MALRD1: variants seen among roughly 807,000 people sequenced by gnomAD.
MALRD1 encodes MAM and LDL receptor class A domain containing 1.
MALRD1 carries 247 observed loss-of-function variants against 242.1 expected under a neutral mutation model. The ratio of observed to expected loss-of-function variants is 1.02; its 90% CI spans 0.92 to 1.13. MALRD1 has a LOEUF of 1.13. Among genes scored for constraint, MALRD1 ranks in the 50% most tolerant of loss-of-function variants. The pLI, the probability that MALRD1 is intolerant of heterozygous loss-of-function variation, is 0.00. For synonymous variants in MALRD1, 995 were observed against 866.6 expected, an observed-to-expected ratio of 1.15 and a Z score of -2.60; for missense variants, 2,989 against 2,533.1, an observed-to-expected ratio of 1.18 and a Z score of -3.86.
At chr10:19,197,454 A>G (rs1564459708) in intron 14 of MALRD1, among the ~76,000 whole-genome samples, 1 of 152,272 alleles carries the variant, frequency 6.6e-6, no homozygotes, top group East Asian at 1.9e-4. Flanking sequence ...TAGCCAAAAA[A>G]ATTGAAGTGA....
At chr10:19,583,792 A>G (rs911954244) in intron 33 of MALRD1, among the ~76,000 whole-genome samples, 3 of 151,742 alleles carry the variant, frequency 2.0e-5, no homozygotes, top group Non-Finnish European at 4.4e-5. Context: ...TAGTTTCAGA[A>G]GGAATGGTAC....
intron 21 of MALRD1, among the ~76,000 whole-genome samples, chr10:19,307,265 A>T (rs1213420721): frequency 6.6e-6 from 1 of 151,470 alleles, no homozygotes; most frequent in Non-Finnish European, 1.5e-5. Context: ...TTTCATCTGT[A>T]TTCCATTAAT....
chr10:19,704,208 A>G (rs1833754987), intron 38 of MALRD1, among the ~76,000 whole-genome samples: 1 of 152,196 alleles, frequency 6.6e-6, no homozygotes, highest in Non-Finnish European at 1.5e-5. Flanking sequence ...AAGTATTCTA[A>G]GTAATTTCAT....
intron 28 of MALRD1, among the ~76,000 whole-genome samples, chr10:19,432,689 A>C (rs1834186460): frequency 6.6e-6 from 1 of 152,210 alleles, no homozygotes; most frequent in African/African-American, 2.4e-5. Context: ...TAAAAAAGCA[A>C]GTTGATTCAA....
intron 34 of MALRD1, among the ~76,000 whole-genome samples, chr10:19,595,989 C>T (rs1304874328): frequency 1.3e-5 from 2 of 152,166 alleles, no homozygotes; most frequent in African/African-American, 4.8e-5. Context: ...AATTTCATCC[C>T]TGTTACTTAC....
intron 36 of MALRD1, among the ~76,000 whole-genome samples, chr10:19,618,970 G>A (rs1294430811): frequency 6.6e-6 from 1 of 151,946 alleles, no homozygotes; most frequent in Non-Finnish European, 1.5e-5. Flanking sequence ...CCTAGCCTTG[G>A]ACCTGTGAAT....
At chr10:19,681,484 G>A (rs531638631) in intron 36 of MALRD1, among the ~76,000 whole-genome samples, 12 of 151,936 alleles carry the variant, frequency 7.9e-5, no homozygotes, top group Non-Finnish European at 1.8e-4. Context: ...TGACATTCTT[G>A]TGTTGTGTTT....
intron 18 of MALRD1, among the ~76,000 whole-genome samples, chr10:19,220,583 C>A (rs1837515465): frequency 1.3e-5 from 2 of 152,080 alleles, no homozygotes. Context: ...AATTAGCTAC[C>A]ATTACAACTA....
intron 28 of MALRD1, among the ~76,000 whole-genome samples, chr10:19,441,586 A>G (rs911933413): frequency 6.6e-6 from 1 of 152,154 alleles, no homozygotes; most frequent in Admixed American, 6.5e-5. Flanking sequence ...AGCACCATTT[A>G]TTAAATAGGG....
Position 19,445,203 on chromosome 10 carries a change from T to C in MALRD1, c.4846-5104T>C, listed in dbSNP as rs553139696. 3.9e-3 allele frequency among the ~76,000 whole-genome samples: 596 copies of C among 152,320 alleles called. 3 individuals are homozygous for C. Among genetic ancestry groups the C allele is most frequent in the Non-Finnish European group, 6.9e-3 (468 of 68,032 alleles). Reference sequence around the variant, plus strand: ...TATGCTGTTTTTTCTAGTTAGCCTTTCATCTAATCTTTTTTCAAGGTTTTT... The same window carrying C: ...TATGCTGTTTTTTCTAGTTAGCCTTCCATCTAATCTTTTTTCAAGGTTTTT... On this transcript the variant is annotated intron_variant, in intron 28 of 39. Coordinates refer to ENST00000454679, the MANE Select transcript of MALRD1 (RefSeq NM_001142308.3).
At chr10:19,608,659 G>A (rs1838746996) in intron 35 of MALRD1, among the ~76,000 whole-genome samples, 1 of 152,012 alleles carries the variant, frequency 6.6e-6, no homozygotes, top group Non-Finnish European at 1.5e-5. Context: ...ATCAAAACTA[G>A]TTAAGAAAAT....
At chr10:19,709,058 C>G (rs141084087) in intron 38 of MALRD1, among the ~76,000 whole-genome samples, 1,791 of 109,116 alleles carry the variant, frequency 0.016, 476 homozygotes, top group Non-Finnish European at 0.021. Flanking sequence ...TTACTTTGCT[C>G]TTTCCTAAGC....
At chr10:19,099,992 C>G (rs949166733) in intron 4 of MALRD1, among the ~76,000 whole-genome samples, 30 of 152,200 alleles carry the variant, frequency 2.0e-4, no homozygotes, top group African/African-American at 7.2e-4. Context: ...AACTCCTGAC[C>G]TCAGGTGATC....
intron 31 of MALRD1, among the ~76,000 whole-genome samples, chr10:19,527,641 C>G (rs1220137545): frequency 6.6e-6 from 1 of 152,060 alleles, no homozygotes; most frequent in Non-Finnish European, 1.5e-5. Context: ...GAGAACTGAA[C>G]TATAAAATAG....
Position 19,088,200 on chromosome 10 carries a change from T to C in MALRD1, c.597+15T>C, listed in dbSNP as rs1835740645. On this transcript the variant is annotated intron_variant, in intron 4 of 39. Coordinates refer to ENST00000454679, the MANE Select transcript of MALRD1 (RefSeq NM_001142308.3). ...AGAGATTTCAGGTATGTGTGTTCTATTTTCTAACTATGGCCTTGAAGAAAA... is the reference window on the plus strand; with the variant it reads ...AGAGATTTCAGGTATGTGTGTTCTACTTTCTAACTATGGCCTTGAAGAAAA... 6.5e-6 allele frequency: 8 copies of C among 1,232,928 alleles called. No individual in the cohort carries two copies. The highest frequency in any genetic ancestry group is 8.1e-6 in the Non-Finnish European group (8 of 987,390). The allele number at this position is 1,232,928 out of a possible 1,614,324, so 76.4% of individuals were successfully genotyped here.
intron 18 of MALRD1, among the ~76,000 whole-genome samples, chr10:19,229,348 A>G (rs1472663317): frequency 6.6e-6 from 1 of 152,170 alleles, no homozygotes; most frequent in Non-Finnish European, 1.5e-5. Flanking sequence ...TCACTGATCA[A>G]TGAAACTTTT....
chr10:19,568,671 G>A (rs933351675), intron 33 of MALRD1, among the ~76,000 whole-genome samples: 1 of 146,814 alleles, frequency 6.8e-6, no homozygotes, highest in South Asian at 2.3e-4. Context: ...CCATTTTCTA[G>A]TAACATTAAT....
chr10:19,318,609 A>G (rs1236787605), intron 21 of MALRD1, among the ~76,000 whole-genome samples: 1 of 151,542 alleles, frequency 6.6e-6, no homozygotes, highest in Non-Finnish European at 1.5e-5. Context: ...TCATTTCTAG[A>G]ATTGTGACCT....
At chr10:19,482,498 A>G (rs527629208) in intron 29 of MALRD1, among the ~76,000 whole-genome samples, 2 of 152,160 alleles carry the variant, frequency 1.3e-5, no homozygotes, top group African/African-American at 4.8e-5. Context: ...CTCTTCGCTT[A>G]TGATAGGATT....
Sources: gnomAD v4.1 joint callset for allele counts (sites outside exome capture counted in the v4.1 genomes callset) on GRCh38, gnomAD v4.1.1 for gene constraint, MANE v1.5 for transcripts, NCBI Gene and HGNC (gene_info 2026-07-23, HGNC 2026-07-21) for gene names.